Variants in SATB2 observed in about 807,000 individuals in gnomAD.
SATB2 encodes SATB homeobox 2.
In SATB2, 1 loss-of-function variant was observed where a neutral mutation model predicts 73.4. The observed-to-expected ratio is 0.01, with a 90% CI of 0.00 to 0.06. SATB2 has a LOEUF of 0.06. Ranked by LOEUF, SATB2 falls within the 10% of genes least tolerant of loss-of-function variation. The pLI, the probability that SATB2 is intolerant of heterozygous loss-of-function variation, is 1.00. For missense variants in SATB2, 459 were observed against 945.8 expected (o/e 0.49, Z 6.75); for synonymous variants, 397 against 367.0 (o/e 1.08, Z -0.93).
In SATB2 at chr2:199,455,013, G is replaced by A. The variant is rs1214838286; in HGVS notation, c.169+856C>T. Among the ~76,000 whole-genome samples the A allele has an allele frequency of 6.6e-6, 1 of 152,172 alleles. No individual in the cohort carries two copies. On this transcript the variant is annotated intron_variant, in intron 2 of 10. Coordinates refer to ENST00000417098, the MANE Select transcript of SATB2 (RefSeq NM_001172509.2). This position sits in a 1 kb window ranked among gnomAD's most constrained non-coding sequence, Gnocchi z 4.1. ...CACACAGAAAACCTGCATGCCATGT[G>A]GAATTGTGGATTTTACATGTAAAAG...
At chr2:199,372,188 G>T (rs1314400586) in intron 5 of SATB2, among the ~76,000 whole-genome samples, 1 of 152,112 alleles carries the variant, frequency 6.6e-6, no homozygotes, top group African/African-American at 2.4e-5. Flanking sequence ...AAAGGTTTTT[G>T]GATGGGAGAT....
At chr2:199,418,376 C>T (rs1024169320) in intron 3 of SATB2, among the ~76,000 whole-genome samples, 43 of 152,010 alleles carry the variant, frequency 2.8e-4, no homozygotes, top group African/African-American at 9.2e-4. Flanking sequence ...GTTAAGTGAG[C>T]GAAGTCATCG....
intron 5 of SATB2, among the ~76,000 whole-genome samples, chr2:199,379,632 T>C (rs1196643410): frequency 1.3e-5 from 2 of 152,050 alleles, no homozygotes; most frequent in East Asian, 1.9e-4. Context: ...CGATGAAATA[T>C]GTGAGAAGTT....
chr2:199,353,511 A>G (rs1558997949), intron 6 of SATB2, among the ~76,000 whole-genome samples: 1 of 152,142 alleles, frequency 6.6e-6, no homozygotes, highest in Non-Finnish European at 1.5e-5. Context: ...TCTCATAAAA[A>G]TAATATCAGA....
chr2:199,318,136 A>G (rs1687785265), intron 9 of SATB2, among the ~76,000 whole-genome samples: 2 of 151,998 alleles, frequency 1.3e-5, no homozygotes, highest in Non-Finnish European at 2.9e-5. Flanking sequence ...TGGCAAAAGC[A>G]AAATCATTAG....
At chr2:199,417,416 T>C (rs1389831473) in intron 3 of SATB2, among the ~76,000 whole-genome samples, 3 of 152,166 alleles carry the variant, frequency 2.0e-5, no homozygotes, top group Non-Finnish European at 4.4e-5. Flanking sequence ...GTTCCACAAG[T>C]GGAACCACTT....
chr2:199,347,179 T>G (rs1347301311), intron 7 of SATB2: 2 of 152,182 alleles, frequency 1.3e-5, no homozygotes, highest in Non-Finnish European at 2.9e-5. Context: ...GCCCCTTAAC[T>G]TCTGAAGTAA....
At chr2:199,336,598 C>A (rs774408432) in intron 7 of SATB2, among the ~76,000 whole-genome samples, 18 of 152,166 alleles carry the variant, frequency 1.2e-4, no homozygotes, top group Admixed American at 9.2e-4. Context: ...AAATATTATT[C>A]TTTCCTGCTG....
chr2:199,272,224 A>T lies in SATB2; in HGVS notation c.2189T>A (p.Ile730Asn), dbSNP rs373319001. The change falls in exon 11 of 11, where the codon ATT becomes AAT. Residue 730 changes from isoleucine (I) to asparagine (N), a missense_variant. This residue lies in a region of SATB2 where 41 missense variants were observed against 38.6 expected (regional missense o/e 1.06). Coordinates refer to ENST00000417098, the MANE Select transcript of SATB2 (RefSeq NM_001172509.2). The surrounding 1 kb of genome is among the most constrained non-coding windows in gnomAD (Gnocchi z 6.7). Reference protein sequence around the residue: ...ADKSKAAPAEIDQR With the variant: ...ADKSKAAPAENDQR The stretch of plus-strand genomic sequence containing the variant: ...TAGAAGTTCACATTATCTCTGGTCA[A>T]TTTCGGCAGGTGCTGCCTTGCTTTT... The T allele has an allele frequency of 1.2e-6, 2 of 1,614,012 alleles. No individual in the cohort carries two copies.
intron 2 of SATB2, among the ~76,000 whole-genome samples, chr2:199,450,560 T>C (rs987322859): frequency 6.6e-6 from 1 of 152,118 alleles, no homozygotes; most frequent in South Asian, 2.1e-4. Context: ...TGTGGGTTCT[T>C]AGTCATAAGA....
chr2:199,279,439 G>C (rs1479517533), intron 10 of SATB2, among the ~76,000 whole-genome samples: 1 of 152,210 alleles, frequency 6.6e-6, no homozygotes, highest in Non-Finnish European at 1.5e-5. Context: ...GTGAGATCTT[G>C]AATGATTAAG....
chr2:199,275,039 C>T (rs72929405), intron 10 of SATB2, among the ~76,000 whole-genome samples: 4,268 of 152,114 alleles, frequency 0.028, 112 homozygotes, highest in Non-Finnish European at 0.041. Flanking sequence ...ATGAGTACTC[C>T]CCATTAGAGC....
At chr2:199,333,302 G>A (rs1383858611) in intron 7 of SATB2, among the ~76,000 whole-genome samples, 1 of 152,034 alleles carries the variant, frequency 6.6e-6, no homozygotes, top group Non-Finnish European at 1.5e-5. Flanking sequence ...TATTATAGCA[G>A]CACAATGTAA....
chr2:199,407,174 T>A (rs1690655739), intron 3 of SATB2, among the ~76,000 whole-genome samples: 1 of 150,584 alleles, frequency 6.6e-6, no homozygotes, highest in Admixed American at 6.6e-5. Context: ...TACAAAAAAA[T>A]TATCAGGAGG....
chr2:199,407,306 AAAGAG>A (rs1281753613), intron 3 of SATB2, among the ~76,000 whole-genome samples: 21 of 151,502 alleles, frequency 1.4e-4, no homozygotes, highest in African/African-American at 4.6e-4. Flanking sequence ...AAAAAAAAAA[AAAGAG>A]AGAGAAGAAA....
At chr2:199,466,840 G>A (rs1039045828), upstream of SATB2, among the ~76,000 whole-genome samples, 1 of 152,166 alleles carries the variant, frequency 6.6e-6, no homozygotes, top group Non-Finnish European at 1.5e-5. Flanking sequence ...TTTTAAGAAT[G>A]TTCCCCAAGC....
chr2:199,373,198 C>A (rs571746008), intron 5 of SATB2, among the ~76,000 whole-genome samples: 1 of 152,222 alleles, frequency 6.6e-6, no homozygotes, highest in Non-Finnish European at 1.5e-5. Flanking sequence ...TCTTCTATGT[C>A]TTCATGAGGG....
intron 9 of SATB2, among the ~76,000 whole-genome samples, chr2:199,319,280 T>C (rs1687820304): frequency 6.6e-6 from 1 of 152,162 alleles, no homozygotes; most frequent in South Asian, 2.1e-4. Flanking sequence ...CTGCAGCCAG[T>C]GGGCCTGCAA....
At chr2:199,471,231 G>C (rs1405385700) in exon 1 of SATB2, 1 of 152,334 alleles carries the variant, frequency 6.6e-6, no homozygotes, top group Non-Finnish European at 1.5e-5. Flanking sequence ...CCTCTCCTGA[G>C]ATCAGCCCTA....
Sources: allele counts gnomAD v4.1 joint callset (sites outside exome capture counted in the v4.1 genomes callset), GRCh38; gene constraint gnomAD v4.1.1; regional missense constraint gnomAD v4.1.1; non-coding constraint Gnocchi (gnomAD v3.1); transcripts MANE v1.5; gene names NCBI Gene and HGNC (gene_info 2026-07-23, HGNC 2026-07-21).